The following CROCC2 variants were observed in gnomAD, a reference collection of about 807,000 sequenced individuals.
CROCC2 encodes the protein ciliary rootlet coiled-coil, rootletin family member 2.
Under a neutral mutation model 177.6 loss-of-function variants are expected in CROCC2, and 163 were observed. The ratio of observed to expected loss-of-function variants is 0.92; its 90% CI spans 0.81 to 1.05. The LOEUF (loss-of-function observed/expected upper bound fraction) is 1.05, where lower values mean the gene tolerates loss of function less well. Ranked by LOEUF, CROCC2 falls within the 50% of genes least tolerant of loss-of-function variation. The pLI is 0.00. For missense variants in CROCC2, 1,929 were observed against 1,797.8 expected, an observed-to-expected ratio of 1.07 and a Z score of -1.32; for synonymous variants, 904 against 787.3, an observed-to-expected ratio of 1.15 and a Z score of -2.48.
At chr2:240,927,593 C>T (rs1034054598) in intron 5 of CROCC2, among the ~76,000 whole-genome samples, 10 of 152,172 alleles carry the variant, frequency 6.6e-5, no homozygotes, top group African/African-American at 2.4e-4. Context: ...TATTTTTCCT[C>T]ATTAAGAGTT....
intron 14 of CROCC2, among the ~76,000 whole-genome samples, chr2:240,937,352 A>AT (rs1418017691): frequency 6.6e-6 from 1 of 151,984 alleles, no homozygotes; most frequent in African/African-American, 2.4e-5. Flanking sequence ...TCTTTTTCCT[A>AT]TTTTTTAAAC....
At chr2:240,915,864 G>A (rs1400887330) in intron 1 of CROCC2, among the ~76,000 whole-genome samples, 3 of 152,168 alleles carry the variant, frequency 2.0e-5, no homozygotes, top group African/African-American at 7.2e-5. Context: ...GATAGGGGCC[G>A]GGCTCAGCTG....
intron 20 of CROCC2, chr2:240,959,898 G>A (rs2059619977): frequency 6.4e-6 from 1 of 156,386 alleles, no homozygotes; most frequent in Admixed American, 6.4e-5. Context: ...TGCTTGTCCT[G>A]GGAAGGTGCA....
In CROCC2 at chr2:240,949,690, C is replaced by T. The variant is rs1234755828; in HGVS notation, c.2640C>T (p.Leu880=). 2.6e-6 allele frequency: 4 copies of T among 1,543,456 alleles called. No individual in the cohort carries two copies. The Admixed American group carries it at 7.9e-5, about 31-fold the overall frequency. ...CCCACCGAGAGGCCCTGGCACAGCT[C>T]CAAAGGGAGAAGGTCTGCTTCCCAG... The part of the protein sequence containing the change: ...ALAHREALAQ[L]QREKETLSLT... Residue 880 remains leucine (L), a synonymous_variant, in exon 17 of 32, where the codon CTC becomes CTT. Transcript: ENST00000690015. This position sits in a 1 kb window ranked among gnomAD's most constrained non-coding sequence, Gnocchi z 4.5.
Position 240,949,725 on chromosome 2 carries a change from A to G in CROCC2, c.2652+23A>G, listed in dbSNP as rs987580152. On this transcript the variant is annotated intron_variant, in intron 17 of 31. Coordinates refer to ENST00000690015, the MANE Select transcript of CROCC2 (RefSeq NM_001351305.2). The surrounding 1 kb of genome is among the most constrained non-coding windows in gnomAD (Gnocchi z 4.5). Reference sequence around the variant, plus strand: ...AAGGTCTGCTTCCCAGGAGCCCACCAGTAGCTTCCTAGAAGGCTACCAGGT... The same window carrying G: ...AAGGTCTGCTTCCCAGGAGCCCACCGGTAGCTTCCTAGAAGGCTACCAGGT... 1.1e-5 allele frequency: 17 copies of G among 1,523,784 alleles called. No individual in the cohort carries two copies. The highest frequency in any genetic ancestry group is 1.5e-5 in the Non-Finnish European group (17 of 1,130,160). The allele number at this position is 1,523,784 out of a possible 1,614,324, so 94.4% of individuals were successfully genotyped here.
intron 27 of CROCC2, among the ~76,000 whole-genome samples, chr2:240,976,054 G>C (rs1225508164): frequency 2.0e-5 from 3 of 152,224 alleles, no homozygotes; most frequent in Non-Finnish European, 4.4e-5. Context: ...GTCTCAACGA[G>C]ACCCCTGTGA....
chr2:240,983,424 A>G (rs2059815106), intron 28 of CROCC2: 1 of 1,281,408 alleles, frequency 7.8e-7, no homozygotes, highest in Non-Finnish European at 1.0e-6. Flanking sequence ...TCTTCGGCCC[A>G]GGTGCTCTGC....
Position 240,933,862 on chromosome 2 carries a change from C to A in CROCC2, c.1646+10C>A. On this transcript the variant is annotated intron_variant, in intron 11 of 31. Transcript: ENST00000690015. ...GGGCACTGGAGACCAGGTGCGCGGC[C>A]GTGGCTGGGTGGGCAGGGCCCCTCC... The A allele has an allele frequency of 2.6e-6, 4 of 1,539,352 alleles. No homozygotes were observed. Among genetic ancestry groups the A allele is most frequent in the Non-Finnish European group, 3.5e-6 (4 of 1,140,786 alleles).
At position 240,967,458 on chromosome 2, in the gene CROCC2, G is replaced by A. The variant is rs887723355; in HGVS notation, c.4260G>A (p.Ala1420=). ...AGCTGCAGAAAGCCCTGGCTGAGGC[G>A]GAAGAAGGTGACCTCCCTTGCCCTG... The part of the protein sequence containing the change: ...VGQLQKALAE[A]EEGQRRVEGA... Residue 1420 remains alanine, a synonymous_variant, in exon 26 of 32, where the codon GCG becomes GCA. Coordinates refer to ENST00000690015, the MANE Select transcript of CROCC2 (RefSeq NM_001351305.2). 46 of 1,498,986 alleles carry A rather than the reference G, an allele frequency of 3.1e-5. No homozygotes were observed. Among genetic ancestry groups the A allele is most frequent in the African/African-American group, 1.4e-4 (10 of 71,962 alleles). 92.9% of individuals were successfully genotyped at this position (1,498,986 alleles called of 1,614,324 possible).
chr2:240,932,694 C>T lies in CROCC2; in HGVS notation c.1045-8C>T. On this transcript the variant is annotated splice_polypyrimidine_tract_variant and splice_region_variant and intron_variant, in intron 8 of 31. Coordinates refer to ENST00000690015, the MANE Select transcript of CROCC2 (RefSeq NM_001351305.2). ...GCCCCTCTATCCCTTCCTCTCTGCA[C>T]CTTGAAGGTGGCCCAGGAGGACGCC... 2 of 739,228 alleles carry T rather than the reference C, an allele frequency of 2.7e-6. No homozygotes were observed. Among genetic ancestry groups the T allele is most frequent in the Admixed American group, 4.0e-5 (2 of 50,006 alleles). The allele number at this position is 739,228 out of a possible 1,614,324, so 45.8% of individuals were successfully genotyped here.
intron 1 of CROCC2, among the ~76,000 whole-genome samples, chr2:240,913,087 C>T (rs1027897098): frequency 2.6e-5 from 4 of 152,224 alleles, no homozygotes; most frequent in Admixed American, 6.5e-5. Context: ...ACGGGCCCAT[C>T]CTCCCGCTCA....
At chr2:240,983,877 C>T (rs910823406) in intron 28 of CROCC2, among the ~76,000 whole-genome samples, 2 of 152,142 alleles carry the variant, frequency 1.3e-5, no homozygotes, top group African/African-American at 2.4e-5. Flanking sequence ...CATCACACAC[C>T]CCAGAGCCCC....
rs1281811146 is a variant in CROCC2, at chr2:240,989,734, A to G, written c.4764A>G (p.Thr1588=). 6.4e-6 allele frequency: 10 copies of G among 1,550,406 alleles called. No homozygotes were observed. The African/African-American group carries it at 1.4e-4, about 21-fold the overall frequency. ...CTCAGCACCAGCGGGACCTGGCCAC[A>G]GAGGCAGAGCGTCTCCATGGGGCCC... ...LTAQHQRDLA[T]EAERLHGARP... The change falls in exon 30 of 32, where the codon ACA becomes ACG. Residue 1588 remains threonine, a synonymous_variant. Coordinates refer to ENST00000690015, the MANE Select transcript of CROCC2 (RefSeq NM_001351305.2).
At position 240,973,148 on chromosome 2, in the gene CROCC2, G is replaced by T. The variant is rs114830922; in HGVS notation, c.4401+4886G>T. 6.6e-6 allele frequency among the ~76,000 whole-genome samples: 1 copy of T among 152,174 alleles called. No individual in the cohort carries two copies. The highest frequency in any genetic ancestry group is 6.5e-5 in the Admixed American group (1 of 15,280). ...GTTTTTCCCCTGTTTCACATAAGCC[G>T]ATGTGTTTGTCAAGAGAAAGTTAAT... On this transcript the variant is annotated intron_variant, in intron 27 of 31. Coordinates refer to ENST00000690015, the MANE Select transcript of CROCC2 (RefSeq NM_001351305.2). This position sits in a 1 kb window ranked among gnomAD's most constrained non-coding sequence, Gnocchi z 4.7.
At chr2:240,964,721 GCCGCCTTTGAA>G (rs2059666901) in intron 22 of CROCC2, 96 bp downstream of exon 22, 1 of 1,409,770 alleles carries the variant, frequency 7.1e-7, no homozygotes, top group Non-Finnish European at 9.5e-7. Context: ...TGGCCTTGCT[GCCGCCTTTGAA>G]CCACTCTGTC....
chr2:240,949,847 C>G lies in CROCC2; in HGVS notation c.2652+145C>G. 1.2e-6 allele frequency: 1 copy of G among 851,836 alleles called. No individual in the cohort carries two copies. The highest frequency in any genetic ancestry group is 1.8e-6 in the Non-Finnish European group (1 of 556,474). The allele number at this position is 851,836 out of a possible 1,614,324, so 52.8% of individuals were successfully genotyped here. On this transcript the variant is annotated intron_variant, in intron 17 of 31. Transcript: ENST00000690015. This position sits in a 1 kb window ranked among gnomAD's most constrained non-coding sequence, Gnocchi z 4.5. ...AGGGCTGGGCAAGGACCAGCTCACT[C>G]TTTATAGTTCACGTGGGCATCCAGG...
At chr2:240,983,422 C>T (rs748288204) in intron 28 of CROCC2, 2 of 1,281,782 alleles carry the variant, frequency 1.6e-6, no homozygotes, top group South Asian at 2.5e-5. Context: ...CGTCTTCGGC[C>T]CAGGTGCTCT....
Position 240,990,875 on chromosome 2 carries a change from G to A in CROCC2, c.4864-321G>A, listed in dbSNP as rs13384794. ...CACCCAAAGTGCTGGGATTACAGGCGTGAGCCACTGCACCCAGCCTCATTC... is the reference window on the plus strand; with the variant it reads ...CACCCAAAGTGCTGGGATTACAGGCATGAGCCACTGCACCCAGCCTCATTC... On this transcript the variant is annotated intron_variant, in intron 30 of 31. Coordinates refer to ENST00000690015, the MANE Select transcript of CROCC2 (RefSeq NM_001351305.2). 5.3e-3 allele frequency among the ~76,000 whole-genome samples: 805 copies of A among 152,148 alleles called. 7 individuals are homozygous for A. The highest frequency in any genetic ancestry group is 0.018 in the African/African-American group (759 of 41,524).
chr2:240,947,956 G>A (rs4675840), intron 15 of CROCC2, among the ~76,000 whole-genome samples: 5 of 152,112 alleles, frequency 3.3e-5, no homozygotes, highest in African/African-American at 9.7e-5. Context: ...CTGGGCACAC[G>A]CTCAGGTCCC....
Sources: allele counts gnomAD v4.1 joint callset (sites outside exome capture counted in the v4.1 genomes callset), GRCh38; gene constraint gnomAD v4.1.1; non-coding constraint Gnocchi (gnomAD v3.1); transcripts MANE v1.5; gene names NCBI Gene and HGNC (gene_info 2026-07-23, HGNC 2026-07-21).